PLCB4: variants seen among roughly 807,000 people sequenced by gnomAD.
PLCB4 encodes the protein phospholipase C beta 4.
A neutral mutation model predicts 178.8 loss-of-function variants in PLCB4; 77 were observed. That is an observed-to-expected ratio of 0.43 (90% CI 0.36 to 0.52). The LOEUF (loss-of-function observed/expected upper bound fraction) is 0.52. PLCB4 is among the 20% of genes least tolerant of loss of function. The probability of loss-of-function intolerance (pLI) is 0.00; values close to 1 mark genes in which losing one functional copy is unlikely to be tolerated. For missense variants in PLCB4, 1,024 were observed against 1,453.4 expected (o/e 0.70, Z 4.80); for synonymous variants, 496 against 490.8 (o/e 1.01, Z -0.14).
intron 12 of PLCB4, among the ~76,000 whole-genome samples, chr20:9,374,554 T>C (rs142242595): frequency 6.6e-6 from 1 of 152,270 alleles, no homozygotes; most frequent in Non-Finnish European, 1.5e-5. Flanking sequence ...GACGGTTTAG[T>C]GTAAAGGAGA....
intron 19 of PLCB4, among the ~76,000 whole-genome samples, chr20:9,401,193 G>A (rs976565674): frequency 1.3e-5 from 2 of 151,984 alleles, no homozygotes; most frequent in Non-Finnish European, 1.5e-5. Context: ...TTTAGAATTA[G>A]TATACTAGAA....
chr20:9,318,810 A>G (rs1311135036), intron 4 of PLCB4, among the ~76,000 whole-genome samples: 1 of 152,268 alleles, frequency 6.6e-6, no homozygotes, highest in Non-Finnish European at 1.5e-5. Flanking sequence ...AGGTCTCTCA[A>G]GTACTACTGT....
intron 2 of PLCB4, among the ~76,000 whole-genome samples, chr20:9,183,456 A>AT (rs879357415): frequency 4.6e-5 from 7 of 152,052 alleles, no homozygotes; most frequent in Admixed American, 6.6e-5. Flanking sequence ...GGACGTAGAA[A>AT]TTTTTTTCCA....
intron 32 of PLCB4, among the ~76,000 whole-genome samples, chr20:9,450,217 A>G (rs2042669005): frequency 6.6e-6 from 1 of 152,234 alleles, no homozygotes; most frequent in Non-Finnish European, 1.5e-5. Flanking sequence ...ATAGTGTTTC[A>G]TGATTTAACT....
chr20:9,357,384 G>A (rs1054394612), intron 7 of PLCB4, among the ~76,000 whole-genome samples: 2 of 152,130 alleles, frequency 1.3e-5, no homozygotes, highest in Admixed American at 1.3e-4. Flanking sequence ...CCCAGGTGGG[G>A]TGGGACATGA....
chr20:9,425,928 ATATACT>A (rs1423806580), intron 28 of PLCB4, among the ~76,000 whole-genome samples: 1 of 152,156 alleles, frequency 6.6e-6, no homozygotes. Context: ...CTTATTCAAA[ATATACT>A]TATATTTTCC....
intron 25 of PLCB4, among the ~76,000 whole-genome samples, chr20:9,414,704 A>G (rs76999760): frequency 1.3e-5 from 2 of 152,324 alleles, no homozygotes; most frequent in East Asian, 3.9e-4. Context: ...ACTGGGCCCA[A>G]TAAGTGTGAA....
chr20:9,332,137 A>G (rs1384585803), intron 4 of PLCB4, among the ~76,000 whole-genome samples: 2 of 152,168 alleles, frequency 1.3e-5, no homozygotes, highest in African/African-American at 2.4e-5. Flanking sequence ...TTCTGTTACC[A>G]TTTAACTGCA....
chr20:9,253,002 A>G (rs1257739186), intron 3 of PLCB4, among the ~76,000 whole-genome samples: 1 of 152,208 alleles, frequency 6.6e-6, no homozygotes, highest in Non-Finnish European at 1.5e-5. Flanking sequence ...ATGTGAGCCA[A>G]TCAGTCTCTT....
chr20:9,233,485 A>G (rs2093956727), intron 3 of PLCB4, among the ~76,000 whole-genome samples: 1 of 152,154 alleles, frequency 6.6e-6, no homozygotes, highest in Admixed American at 6.5e-5. Flanking sequence ...GTAGTGATAA[A>G]CATTAAGAAA....
intron 3 of PLCB4, among the ~76,000 whole-genome samples, chr20:9,283,836 A>G (rs1266312636): frequency 1.3e-5 from 2 of 151,852 alleles, no homozygotes; most frequent in Admixed American, 6.6e-5. Flanking sequence ...GCCCTACTTT[A>G]TTCCCTTTCT....
chr20:9,245,336 G>C (rs971270065), intron 3 of PLCB4, among the ~76,000 whole-genome samples: 14 of 152,028 alleles, frequency 9.2e-5, no homozygotes, highest in African/African-American at 3.4e-4. Flanking sequence ...AGGTGTTTGG[G>C]GGTAGGCCAA....
intron 3 of PLCB4, among the ~76,000 whole-genome samples, chr20:9,233,426 A>G (rs1279815146): frequency 6.6e-6 from 1 of 152,162 alleles, no homozygotes; most frequent in East Asian, 1.9e-4. Context: ...AATAGAGGGA[A>G]ATAGATAATA....
intron 32 of PLCB4, among the ~76,000 whole-genome samples, chr20:9,450,451 G>A (rs1367668494): frequency 1.3e-5 from 2 of 152,144 alleles, no homozygotes; most frequent in African/African-American, 4.8e-5. Context: ...ACCACACAGG[G>A]ATGGAGTTTT....
At chr20:9,317,551 A>C (rs924710214) in intron 4 of PLCB4, among the ~76,000 whole-genome samples, 3 of 152,124 alleles carry the variant, frequency 2.0e-5, no homozygotes, top group Non-Finnish European at 4.4e-5. Context: ...TTTCATGGAA[A>C]ATGGTAATCC....
At chr20:9,436,894 T>C in intron 29 of PLCB4, 108 bp from the exon 30 acceptor site, 2 of 1,025,228 alleles carry the variant, frequency 2.0e-6, no homozygotes, top group Non-Finnish European at 2.9e-6. Flanking sequence ...AGTAGAAGTC[T>C]AGGAAGAGTA....
At chr20:9,151,478 AT>A (rs1323665249) in intron 2 of PLCB4, among the ~76,000 whole-genome samples, 1 of 152,056 alleles carries the variant, frequency 6.6e-6, no homozygotes, top group Non-Finnish European at 1.5e-5. Flanking sequence ...TTGCTGTGTT[AT>A]TCTCATGGTA....
chr20:9,397,270 A>T (rs960317348), intron 19 of PLCB4, among the ~76,000 whole-genome samples: 1 of 152,212 alleles, frequency 6.6e-6, no homozygotes, highest in Non-Finnish European at 1.5e-5. Context: ...AAGTTTTATC[A>T]TGAAATTGCA....
chr20:9,178,155 C>T (rs568200018), intron 2 of PLCB4, among the ~76,000 whole-genome samples: 1 of 152,212 alleles, frequency 6.6e-6, no homozygotes, highest in Admixed American at 6.5e-5. Context: ...CACGTCTCCA[C>T]TAAAAATACA....
Sources: gnomAD v4.1 joint callset for allele counts (sites outside exome capture counted in the v4.1 genomes callset) on GRCh38, gnomAD v4.1.1 for gene constraint, MANE v1.5 for transcripts, NCBI Gene and HGNC (gene_info 2026-07-23, HGNC 2026-07-21) for gene names.